RBFOX3: variants seen among roughly 807,000 people sequenced by gnomAD.
The protein encoded by RBFOX3 is RNA binding protein fox-1 homolog 3.
In RBFOX3, 17 loss-of-function variants were observed where a neutral mutation model predicts 48.7. The observed-to-expected ratio is 0.35, with a 90% CI of 0.24 to 0.52. RBFOX3 has a LOEUF of 0.52. Ranked by LOEUF, RBFOX3 falls within the 20% of genes least tolerant of loss-of-function variation. The pLI, the probability that RBFOX3 is intolerant of heterozygous loss-of-function variation, is 0.94. For missense variants in RBFOX3, 382 were observed against 497.5 expected (o/e 0.77, Z 2.21); for synonymous variants, 212 against 209.5 (o/e 1.01, Z -0.10).
intron 2 of RBFOX3, among the ~76,000 whole-genome samples, chr17:79,431,139 G>A (rs988524807): frequency 6.6e-5 from 10 of 152,164 alleles, no homozygotes; most frequent in Admixed American, 5.2e-4. Flanking sequence ...GAAAAGGATC[G>A]GGGAATCCAG....
At chr17:79,094,751 C>A (rs553042015) in intron 13 of RBFOX3, among the ~76,000 whole-genome samples, 3 of 147,554 alleles carry the variant, frequency 2.0e-5, no homozygotes, top group African/African-American at 5.1e-5. Flanking sequence ...CTCAATATGC[C>A]CACAGTGTGC....
intron 2 of RBFOX3, among the ~76,000 whole-genome samples, chr17:79,355,403 C>A (rs775058241): frequency 6.6e-5 from 10 of 152,180 alleles, no homozygotes; most frequent in Non-Finnish European, 8.8e-5. Context: ...GCGTGGGATA[C>A]CCGCCCCCGT....
intron 1 of RBFOX3, among the ~76,000 whole-genome samples, chr17:79,491,907 C>T (rs2149607840): frequency 6.6e-6 from 1 of 152,228 alleles, no homozygotes; most frequent in African/African-American, 2.4e-5. Flanking sequence ...TGGTGAAACC[C>T]TGTCTCTACT....
chr17:79,566,762 G>A (rs1048805923), intron 1 of RBFOX3, among the ~76,000 whole-genome samples: 9 of 152,190 alleles, frequency 5.9e-5, no homozygotes, highest in Admixed American at 1.3e-4. Flanking sequence ...TGGTTCATTC[G>A]TTCTGTGGGA....
At chr17:79,167,258 G>A (rs1039904031) in intron 4 of RBFOX3, among the ~76,000 whole-genome samples, 7 of 152,038 alleles carry the variant, frequency 4.6e-5, no homozygotes, top group Admixed American at 1.3e-4. Flanking sequence ...CCAGGCTCGG[G>A]GAGTGCTAGG....
chr17:79,213,464 A>T (rs1301345825), intron 4 of RBFOX3, among the ~76,000 whole-genome samples: 1 of 152,190 alleles, frequency 6.6e-6, no homozygotes. Context: ...CAGACGGGGG[A>T]GGGTGAGATG....
At chr17:79,112,863 T>A in intron 5 of RBFOX3, among the ~76,000 whole-genome samples, 1 of 121,606 alleles carries the variant, frequency 8.2e-6, no homozygotes, top group East Asian at 2.8e-4. Flanking sequence ...GTCCAGGGGG[T>A]TGTGTGCCCT....
intron 2 of RBFOX3, among the ~76,000 whole-genome samples, chr17:79,451,968 G>A (rs1234690367): frequency 1.3e-5 from 2 of 152,180 alleles, no homozygotes; most frequent in Non-Finnish European, 2.9e-5. Flanking sequence ...ATTACAGGGG[G>A]GTACCAACAC....
intron 2 of RBFOX3, among the ~76,000 whole-genome samples, chr17:79,455,666 C>A (rs1568281158): frequency 6.6e-6 from 1 of 152,200 alleles, no homozygotes; most frequent in East Asian, 1.9e-4. Context: ...CATTCACACA[C>A]ACACTTCCAC....
intron 2 of RBFOX3, among the ~76,000 whole-genome samples, chr17:79,393,046 TAC>T (rs2061539130): frequency 6.6e-6 from 1 of 152,178 alleles, no homozygotes. Flanking sequence ...ACTTGACCAC[TAC>T]ACAGTCTGCA....
At chr17:79,342,850 G>A (rs1213863954) in intron 2 of RBFOX3, among the ~76,000 whole-genome samples, 1 of 152,176 alleles carries the variant, frequency 6.6e-6, no homozygotes, top group Non-Finnish European at 1.5e-5. Flanking sequence ...TTACAACGGG[G>A]CTTGTCACAG....
intron 2 of RBFOX3, among the ~76,000 whole-genome samples, chr17:79,450,594 C>A (rs1284566774): frequency 6.6e-6 from 1 of 151,678 alleles, no homozygotes; most frequent in Non-Finnish European, 1.5e-5. Context: ...ATATTTTCAA[C>A]TTAGCAATAA....
rs184876260 is a variant in RBFOX3 at position 79,170,581 on chromosome 17, G to A, written c.-33-54833C>T. Among the ~76,000 whole-genome samples the A allele has an allele frequency of 4.2e-3, 632 of 152,164 alleles. 7 individuals are homozygous for A. The highest frequency in any genetic ancestry group is 3.1e-3 in the Non-Finnish European group (211 of 67,982). On this transcript the variant is annotated intron_variant, in intron 4 of 14. Coordinates refer to ENST00000693108, the MANE Select transcript of RBFOX3 (RefSeq NM_001350451.2). ...CCAGCTGTTCTACAGGGACCCCTCC[G>A]TGGTGTGTCCGTTAGGCCTCCCAGG...
chr17:79,147,976 T>C (rs539974710), intron 4 of RBFOX3, among the ~76,000 whole-genome samples: 44 of 152,350 alleles, frequency 2.9e-4, no homozygotes, highest in African/African-American at 1.0e-3. Flanking sequence ...TTACCCAAAA[T>C]GCTGCACCAT....
At chr17:79,379,175 C>T (rs897897556) in intron 2 of RBFOX3, among the ~76,000 whole-genome samples, 47 of 152,192 alleles carry the variant, frequency 3.1e-4, no homozygotes, top group African/African-American at 1.0e-3. Flanking sequence ...TCGGGGTGAG[C>T]CAGCCATGCG....
At chr17:79,253,184 T>G (rs4789974) in intron 3 of RBFOX3, among the ~76,000 whole-genome samples, 1 of 152,178 alleles carries the variant, frequency 6.6e-6, no homozygotes. Flanking sequence ...GCACAATGCA[T>G]CTGGTGCTCC....
At chr17:79,654,005 G>A in the RBFOX3 span, among the ~76,000 whole-genome samples, 1 of 151,790 alleles carries the variant, frequency 6.6e-6, no homozygotes, top group Non-Finnish European at 1.5e-5. Context: ...CACCTGAACA[G>A]TATGATTTTG....
At chr17:79,197,389 T>TTTC (rs1491332592) in intron 4 of RBFOX3, among the ~76,000 whole-genome samples, 5 of 1,338 alleles carry the variant, frequency 3.7e-3, no homozygotes, top group East Asian at 0.25. Flanking sequence ...TCTTTCTTTC[T>TTTC]TTTTTTTTTT....
intron 4 of RBFOX3, among the ~76,000 whole-genome samples, chr17:79,215,122 G>T (rs934681527): frequency 6.6e-6 from 1 of 152,168 alleles, no homozygotes; most frequent in African/African-American, 2.4e-5. Flanking sequence ...CCATCTTCCT[G>T]TGCCATCTGT....
Sources: allele counts gnomAD v4.1 joint callset (sites outside exome capture counted in the v4.1 genomes callset), GRCh38; gene constraint gnomAD v4.1.1; transcripts MANE v1.5; gene names NCBI Gene and HGNC (gene_info 2026-07-23, HGNC 2026-07-21).